The following MSRA variants were observed in gnomAD, a reference collection of about 807,000 sequenced individuals.
MSRA encodes methionine sulfoxide reductase A.
Under a neutral mutation model 31.3 loss-of-function variants are expected in MSRA, and 54 were observed. The observed-to-expected ratio is 1.73, with a 90% confidence interval of 1.39 to 2.17. The LOEUF is 2.17. Ranked by LOEUF, MSRA falls within the 30% of genes most tolerant of loss-of-function variation. The pLI, the probability that MSRA is intolerant of heterozygous loss-of-function variation, is 0.00. For synonymous variants in MSRA, 169 were observed against 116.5 expected, an observed-to-expected ratio of 1.45 and a Z score of -2.90; for missense variants, 507 against 300.9, an observed-to-expected ratio of 1.69 and a Z score of -5.07.
At chr8:10,065,855 G>C (rs1042799528) in intron 1 of MSRA, among the ~76,000 whole-genome samples, 3 of 151,966 alleles carry the variant, frequency 2.0e-5, no homozygotes, top group Admixed American at 6.5e-5. Context: ...ATCAGCCTCT[G>C]GTTTCTTGTC....
In MSRA at chr8:10,134,569, A is replaced by G. The variant is rs371451480; in HGVS notation, c.143-73264A>G. Among the ~76,000 whole-genome samples, 34 of 152,318 alleles carry G rather than the reference A, an allele frequency of 2.2e-4. 1 individual carries two copies. Among genetic ancestry groups the G allele is most frequent in the African/African-American group, 7.7e-4 (32 of 41,572 alleles). ...GCAGGACCCTTCGGCCAAGGGATTC[A>G]TCCTGCGGCACAGGCTCGAGTCTAA... On this transcript the variant is annotated intron_variant, in intron 1 of 5. Transcript: ENST00000317173.
At chr8:10,218,248 G>A (rs891011587) in intron 2 of MSRA, among the ~76,000 whole-genome samples, 2 of 151,904 alleles carry the variant, frequency 1.3e-5, no homozygotes, top group Admixed American at 6.6e-5. Context: ...CCAGGTTCAA[G>A]CGATTCTTTT....
chr8:10,159,740 G>C (rs1804478104), intron 1 of MSRA, among the ~76,000 whole-genome samples: 1 of 152,136 alleles, frequency 6.6e-6, no homozygotes, highest in African/African-American at 2.4e-5. Flanking sequence ...TTCATTTCCA[G>C]CAACAATCTT....
At chr8:10,417,203 G>A (rs1430035795) in intron 5 of MSRA, among the ~76,000 whole-genome samples, 2 of 152,132 alleles carry the variant, frequency 1.3e-5, no homozygotes, top group African/African-American at 4.8e-5. Context: ...AGCTGGGAGG[G>A]TCAGTGAGCT....
At chr8:10,371,733 G>A (rs145043178) in intron 5 of MSRA, among the ~76,000 whole-genome samples, 3 of 152,202 alleles carry the variant, frequency 2.0e-5, no homozygotes, top group African/African-American at 4.8e-5. Context: ...TGGTGTTGCA[G>A]TTCCTACCAT....
intron 5 of MSRA, among the ~76,000 whole-genome samples, chr8:10,391,597 G>T (rs775291958): frequency 1.3e-5 from 2 of 152,238 alleles, no homozygotes; most frequent in Non-Finnish European, 2.9e-5. Flanking sequence ...CCAACAGTCA[G>T]GTGACAAGAT....
At chr8:10,169,615 A>G (rs1805428781) in intron 1 of MSRA, among the ~76,000 whole-genome samples, 2 of 152,204 alleles carry the variant, frequency 1.3e-5, no homozygotes, top group South Asian at 2.1e-4. Flanking sequence ...AAAATGATAG[A>G]TTGGACTTCA....
At chr8:10,283,227 G>A (rs1466129412) in intron 3 of MSRA, among the ~76,000 whole-genome samples, 2 of 151,202 alleles carry the variant, frequency 1.3e-5, no homozygotes, top group African/African-American at 4.9e-5. Flanking sequence ...CACCATGCAA[G>A]ATGCATTCAG....
intron 4 of MSRA, among the ~76,000 whole-genome samples, chr8:10,312,719 C>T (rs1269899993): frequency 6.6e-6 from 1 of 152,160 alleles, no homozygotes; most frequent in Admixed American, 6.5e-5. Context: ...TTAGTTTCCT[C>T]CAACGAACAC....
At chr8:10,401,748 A>G (rs1214371273) in intron 5 of MSRA, among the ~76,000 whole-genome samples, 2 of 152,248 alleles carry the variant, frequency 1.3e-5, no homozygotes, top group Non-Finnish European at 2.9e-5. Flanking sequence ...AAATTCTGAC[A>G]TGTGCTACAG....
intron 1 of MSRA, among the ~76,000 whole-genome samples, chr8:10,124,979 A>C (rs561407990): frequency 6.6e-6 from 1 of 152,364 alleles, no homozygotes; most frequent in African/African-American, 2.4e-5. Context: ...TACATTAAAT[A>C]GTAAGATTGA....
chr8:10,090,772 A>G (rs969254491), intron 1 of MSRA, among the ~76,000 whole-genome samples: 3 of 152,190 alleles, frequency 2.0e-5, no homozygotes, highest in African/African-American at 7.2e-5. Context: ...TTTCATATAT[A>G]TAGAATCATA....
At chr8:10,165,439 C>G (rs1178269010) in intron 1 of MSRA, among the ~76,000 whole-genome samples, 1 of 152,078 alleles carries the variant, frequency 6.6e-6, no homozygotes, top group Admixed American at 6.6e-5. Flanking sequence ...GAACTGCAGT[C>G]AAACAAAATT....
At chr8:10,357,924 C>T (rs775101022) in intron 5 of MSRA, among the ~76,000 whole-genome samples, 2 of 152,144 alleles carry the variant, frequency 1.3e-5, no homozygotes, top group Non-Finnish European at 2.9e-5. Flanking sequence ...AACCAAGAAT[C>T]TTGGTACTTT....
intron 1 of MSRA, among the ~76,000 whole-genome samples, chr8:10,115,861 G>C (rs963593): frequency 0.23 from 35,348 of 152,130 alleles, 4,347 homozygotes; most frequent in East Asian, 0.39. Flanking sequence ...TTAATAAATA[G>C]AAAACACACA....
At chr8:10,159,856 G>A (rs1804486452) in intron 1 of MSRA, among the ~76,000 whole-genome samples, 1 of 152,138 alleles carries the variant, frequency 6.6e-6, no homozygotes, top group Non-Finnish European at 1.5e-5. Flanking sequence ...GTTCCTACAG[G>A]TTTTTATGTT....
At chr8:10,228,419 A>G (rs1490417036) in intron 2 of MSRA, among the ~76,000 whole-genome samples, 2 of 152,204 alleles carry the variant, frequency 1.3e-5, no homozygotes, top group African/African-American at 4.8e-5. Context: ...ATGCACCTCT[A>G]ATAGGGTGCT....
At chr8:10,125,175 C>T (rs1801410238) in intron 1 of MSRA, among the ~76,000 whole-genome samples, 1 of 152,170 alleles carries the variant, frequency 6.6e-6, no homozygotes, top group South Asian at 2.1e-4. Context: ...TGACGGCTGC[C>T]AGGTGCCTCA....
intron 3 of MSRA, among the ~76,000 whole-genome samples, chr8:10,294,961 C>G (rs116242246): frequency 8.5e-5 from 13 of 152,252 alleles, no homozygotes; most frequent in African/African-American, 2.9e-4. Flanking sequence ...AATAGAAAGA[C>G]CTTCCCTGAA....
Sources: allele counts gnomAD v4.1 joint callset (sites outside exome capture counted in the v4.1 genomes callset), GRCh38; gene constraint gnomAD v4.1.1; transcripts MANE v1.5; gene names NCBI Gene and HGNC (gene_info 2026-07-23, HGNC 2026-07-21).